GAD2: variants seen among roughly 807,000 people sequenced by gnomAD.
The protein encoded by GAD2 is 65 kDa glutamic acid decarboxylase.
Under a neutral mutation model 80.1 loss-of-function variants are expected in GAD2, and 22 were observed. The observed-to-expected ratio is 0.27, with a 90% CI of 0.20 to 0.39. The LOEUF (loss-of-function observed/expected upper bound fraction) is 0.39, where lower values mean the gene tolerates loss of function less well. Among genes scored for constraint, GAD2 ranks in the 10% least tolerant of loss-of-function variants. The pLI, the probability that GAD2 is intolerant of heterozygous loss-of-function variation, is 1.00. For missense variants in GAD2, 624 were observed against 738.4 expected, an observed-to-expected ratio of 0.85 and a Z score of 1.80; for synonymous variants, 274 against 256.9, an observed-to-expected ratio of 1.07 and a Z score of -0.64.
chr10:26,243,538 GC>G (rs1271925526), intron 7 of GAD2, among the ~76,000 whole-genome samples: 11 of 152,218 alleles, frequency 7.2e-5, no homozygotes, highest in Non-Finnish European at 1.2e-4. Flanking sequence ...GCTTAGGTTA[GC>G]CTTTCTCAGC....
Position 26,286,394 on chromosome 10 carries a change from A to C in GAD2, c.1286A>C (p.Gln429Pro), listed in dbSNP as rs771571634. The C allele has an allele frequency of 1.2e-6, 2 of 1,613,880 alleles. No individual in the cohort carries two copies. Among genetic ancestry groups the C allele is most frequent in the East Asian group, 4.5e-5 (2 of 44,894 alleles). Residue 429 changes from glutamine to proline, a missense_variant, in exon 13 of 16, where the codon CAA (glutamine) becomes CCA (proline). Physicochemically the swap from Gln to Pro is moderately conservative, Grantham distance 76 (BLOSUM62 -1). Transcript: ENST00000376261. ...ATGCATGCCTCCTACCTCTTTCAGC[A>C]AGATAAACATTATGACCTGTCCTAT... is the stretch of plus-strand genomic sequence containing the variant. ...NQMHASYLFQ[Q>P]DKHYDLSYDT...
At chr10:26,266,097 A>G (rs1239694762) in intron 8 of GAD2, among the ~76,000 whole-genome samples, 1 of 152,260 alleles carries the variant, frequency 6.6e-6, no homozygotes, top group African/African-American at 2.4e-5. Context: ...GTGACTGATG[A>G]ACATGCAAAT....
At chr10:26,293,047 T>G in intron 15 of GAD2, 56 bp downstream of exon 15, 13 of 1,387,448 alleles carry the variant, frequency 9.4e-6, no homozygotes, top group Non-Finnish European at 1.3e-5. Context: ...CATGTGCACA[T>G]CTTCTTTATG....
intron 12 of GAD2, among the ~76,000 whole-genome samples, chr10:26,282,843 G>T (rs1845286844): frequency 1.3e-5 from 2 of 152,144 alleles, no homozygotes. Context: ...TATGGACACA[G>T]GATTGAAGAC....
At chr10:26,222,978 C>G (rs915650792) in intron 4 of GAD2, among the ~76,000 whole-genome samples, 1 of 152,212 alleles carries the variant, frequency 6.6e-6, no homozygotes, top group Non-Finnish European at 1.5e-5. Context: ...CTATCGATGA[C>G]AGGCTTTTGT....
chr10:26,254,876 G>A (rs1844925402), intron 8 of GAD2, among the ~76,000 whole-genome samples: 1 of 152,254 alleles, frequency 6.6e-6, no homozygotes, highest in South Asian at 2.1e-4. Context: ...TGCAGGTTGA[G>A]ACAGGAGGCA....
At chr10:26,281,123 G>A (rs770464728) in intron 12 of GAD2, 36 bp downstream of exon 12, 25 of 1,479,042 alleles carry the variant, frequency 1.7e-5, no homozygotes, top group African/African-American at 6.9e-5. Flanking sequence ...CAGTCCGTGC[G>A]TGGGCTTTGA....
At position 26,286,508 on chromosome 10, in the gene GAD2, G is replaced by T. The variant is rs1271409097; in HGVS notation, c.1386+14G>T. On this transcript the variant is annotated intron_variant, in intron 13 of 15. Coordinates refer to ENST00000376261, the MANE Select transcript of GAD2 (RefSeq NM_001134366.2). ...TGGAGGGCAAAGGTGAGTATGTATG[G>T]ACCAGCTAAATGTCAACTAAAAACA... 3 of 1,598,524 alleles carry T rather than the reference G, an allele frequency of 1.9e-6. No homozygotes were observed. Among genetic ancestry groups the T allele is most frequent in the South Asian group, 1.1e-5 (1 of 87,512 alleles).
chr10:26,260,111 T>C (rs947054465), intron 8 of GAD2, among the ~76,000 whole-genome samples: 1 of 152,176 alleles, frequency 6.6e-6, no homozygotes, highest in Admixed American at 6.5e-5. Context: ...ATTTACTGAT[T>C]AGAAATTTGT....
chr10:26,252,496 C>T (rs1844891230), intron 8 of GAD2, among the ~76,000 whole-genome samples: 1 of 152,080 alleles, frequency 6.6e-6, no homozygotes. Context: ...GTGTGTGCCA[C>T]CACGCCCAGC....
chr10:26,235,342 A>T (rs541265134), intron 7 of GAD2, among the ~76,000 whole-genome samples: 98 of 152,298 alleles, frequency 6.4e-4, no homozygotes, highest in Non-Finnish European at 1.2e-3. Flanking sequence ...AAATGTTCAC[A>T]TATTCATGAA....
chr10:26,292,986 T>C lies in GAD2; in HGVS notation c.1579T>C (p.Ser527Pro), dbSNP rs1834234886. The part of the protein sequence containing the change: ...EDNEERMSRL[S>P]KVAPVIKARM... ...CAATGAAGAGAGAATGAGTCGCCTC[T>C]CGAAGGTCAGTGCTCCAAGCTCCTC... The change falls in exon 15 of 16, where the codon TCG becomes CCG. Residue 527 changes from serine (S) to proline (P), a missense_variant. Coordinates refer to ENST00000376261, the MANE Select transcript of GAD2 (RefSeq NM_001134366.2). 1 of 1,612,462 alleles carries C rather than the reference T, an allele frequency of 6.2e-7. No individual in the cohort carries two copies. The highest frequency in any genetic ancestry group is 1.7e-4 in the Middle Eastern group (1 of 6,056).
At chr10:26,282,790 A>T (rs1283843081) in intron 12 of GAD2, among the ~76,000 whole-genome samples, 3 of 152,206 alleles carry the variant, frequency 2.0e-5, no homozygotes, top group African/African-American at 4.8e-5. Flanking sequence ...GTCAACTTCA[A>T]ATTTACACAG....
rs1017687460 is a variant in GAD2 at position 26,287,310 on chromosome 10, G to T, written c.1386+816G>T. On this transcript the variant is annotated intron_variant, in intron 13 of 15. Transcript: ENST00000376261. Reference sequence around the variant, plus strand: ...AAACTCCAATGCAAAAAGAGAGTTCGAGGAAACCTGACATAAGAAAGTGAG... The same window carrying T: ...AAACTCCAATGCAAAAAGAGAGTTCTAGGAAACCTGACATAAGAAAGTGAG... Among the ~76,000 whole-genome samples the T allele has an allele frequency of 2.0e-5, 3 of 152,152 alleles. No individual in the cohort carries two copies. In the East Asian group the frequency reaches 5.8e-4, roughly 29 times the overall value.
chr10:26,227,284 G>A (rs1844538619), intron 6 of GAD2, among the ~76,000 whole-genome samples: 1 of 152,192 alleles, frequency 6.6e-6, no homozygotes, highest in South Asian at 2.1e-4. Flanking sequence ...TCCTTTCTTA[G>A]AGGATTCGTA....
chr10:26,296,345 A>G (rs770300693), intron 15 of GAD2, among the ~76,000 whole-genome samples: 1 of 152,248 alleles, frequency 6.6e-6, no homozygotes, highest in East Asian at 1.9e-4. Flanking sequence ...GAAGGGAAAC[A>G]ACATTTAGGA....
chr10:26,281,123 G>T (rs770464728), intron 12 of GAD2, 36 bp downstream of exon 12: 2 of 1,479,164 alleles, frequency 1.4e-6, no homozygotes, highest in Admixed American at 3.4e-5. Flanking sequence ...CAGTCCGTGC[G>T]TGGGCTTTGA....
Position 26,217,911 on chromosome 10 carries a change from G to T in GAD2, c.206G>T (p.Arg69Leu). The T allele has an allele frequency of 6.2e-7, 1 of 1,610,812 alleles. No individual in the cohort carries two copies. Among genetic ancestry groups the T allele is most frequent in the South Asian group, 1.1e-5 (1 of 90,954 alleles). The change falls in exon 3 of 16, where the codon CGG becomes CTG. Residue 69 changes from arginine (R) to leucine (L), a missense_variant. Physicochemically the swap from Arg to Leu is moderately radical, Grantham distance 102. Transcript: ENST00000376261. The surrounding 1 kb of genome is among the most constrained non-coding windows in gnomAD (Gnocchi z 4.9). ...AGCCAACCCCCGCGGGCCGCCGCCC[G>T]GAAGGCCGCCTGCGCCTGCGACCAG... is the stretch of plus-strand genomic sequence containing the variant. ...GGSQPPRAAA[R>L]KAACACDQKP...
intron 7 of GAD2, among the ~76,000 whole-genome samples, chr10:26,243,004 C>G (rs1171388029): frequency 6.6e-6 from 1 of 151,978 alleles, no homozygotes. Context: ...AGCTCCTTCT[C>G]TTTGGGGTCG....
Sources: gnomAD v4.1 joint callset for allele counts (sites outside exome capture counted in the v4.1 genomes callset) on GRCh38, gnomAD v4.1.1 for gene constraint, Gnocchi (gnomAD v3.1) non-coding constraint, MANE v1.5 for transcripts, NCBI Gene and HGNC (gene_info 2026-07-23, HGNC 2026-07-21) for gene names.